KCND3: variants seen among roughly 807,000 people sequenced by gnomAD.
KCND3 encodes the protein A-type voltage-gated potassium channel KCND3.
Under a neutral mutation model 51.1 loss-of-function variants are expected in KCND3, and 9 were observed. That is an observed-to-expected ratio of 0.18 (90% CI 0.11 to 0.31). The LOEUF (loss-of-function observed/expected upper bound fraction) is 0.31. Among genes scored for constraint, KCND3 ranks in the 10% least tolerant of loss-of-function variants. The pLI is 1.00. For missense variants in KCND3, 526 were observed against 903.8 expected, an observed-to-expected ratio of 0.58 and a Z score of 5.36; for synonymous variants, 349 against 368.0, an observed-to-expected ratio of 0.95 and a Z score of 0.59.
At chr1:111,927,420 C>T (rs1262496479) in intron 2 of KCND3, among the ~76,000 whole-genome samples, 3 of 152,216 alleles carry the variant, frequency 2.0e-5, no homozygotes. Flanking sequence ...GGCATGCCTC[C>T]CTCTTTTTGG....
At chr1:111,864,146 G>A (rs896720037) in intron 2 of KCND3, among the ~76,000 whole-genome samples, 32 of 152,156 alleles carry the variant, frequency 2.1e-4, no homozygotes, top group African/African-American at 7.0e-4. Flanking sequence ...ATGTGGTGGA[G>A]GGGTGGGCGT....
chr1:111,813,150 G>A (rs1665932534), intron 2 of KCND3, among the ~76,000 whole-genome samples: 1 of 152,070 alleles, frequency 6.6e-6, no homozygotes, highest in Admixed American at 6.5e-5. Context: ...ATGTGGGAGT[G>A]GGGGTATGGG....
intron 2 of KCND3, among the ~76,000 whole-genome samples, chr1:111,796,825 A>T (rs1204014572): frequency 6.6e-6 from 1 of 152,170 alleles, no homozygotes; most frequent in Non-Finnish European, 1.5e-5. Context: ...TCTCTGGGAG[A>T]TGTTTCCTAA....
chr1:111,958,356 A>G (rs1365273496), intron 2 of KCND3, among the ~76,000 whole-genome samples: 1 of 152,124 alleles, frequency 6.6e-6, no homozygotes, highest in Non-Finnish European at 1.5e-5. Context: ...GGTAGGAGAG[A>G]GCCTCAGGTC....
chr1:111,812,583 C>T (rs1043921284), intron 2 of KCND3, among the ~76,000 whole-genome samples: 2 of 152,224 alleles, frequency 1.3e-5, no homozygotes, highest in Non-Finnish European at 2.9e-5. Flanking sequence ...GGACCTTTTA[C>T]ATTTTTAATC....
At chr1:111,864,448 T>C (rs540162216) in intron 2 of KCND3, among the ~76,000 whole-genome samples, 33 of 152,362 alleles carry the variant, frequency 2.2e-4, no homozygotes, top group African/African-American at 7.5e-4. Context: ...CTCTCTTTTT[T>C]TGTATTTCAG....
intron 2 of KCND3, among the ~76,000 whole-genome samples, chr1:111,817,295 C>T (rs941630799): frequency 1.1e-4 from 17 of 151,858 alleles, no homozygotes; most frequent in African/African-American, 4.1e-4. Context: ...GGTGGGGATG[C>T]ATTGAGATGG....
intron 2 of KCND3, among the ~76,000 whole-genome samples, chr1:111,968,843 A>C (rs1381751208): frequency 6.6e-6 from 1 of 152,088 alleles, no homozygotes; most frequent in East Asian, 1.9e-4. Flanking sequence ...GCTGAGTGAT[A>C]CCCAAAGCCA....
intron 2 of KCND3, among the ~76,000 whole-genome samples, chr1:111,934,504 C>T (rs950768312): frequency 6.6e-6 from 1 of 152,220 alleles, no homozygotes; most frequent in African/African-American, 2.4e-5. Flanking sequence ...AAGCGGTTGT[C>T]TAAATTAATC....
chr1:111,836,763 G>T (rs929543531), intron 2 of KCND3, among the ~76,000 whole-genome samples: 1 of 152,278 alleles, frequency 6.6e-6, no homozygotes, highest in Admixed American at 6.5e-5. Context: ...TCAGAAACAG[G>T]TTGACAGATG....
chr1:111,806,059 C>T (rs1557948166), intron 2 of KCND3, among the ~76,000 whole-genome samples: 2 of 152,240 alleles, frequency 1.3e-5, no homozygotes, highest in Admixed American at 1.3e-4. Context: ...TCACGGCTCC[C>T]ACCAGGCACC....
rs1024972776 is a variant in KCND3, at chr1:111,842,870, T to C, written c.1107-55764A>G. 5.3e-5 allele frequency among the ~76,000 whole-genome samples: 8 copies of C among 152,220 alleles called. 1 individual carries two copies. Among genetic ancestry groups the C allele is most frequent in the Non-Finnish European group, 7.3e-5 (5 of 68,038 alleles). On this transcript the variant is annotated intron_variant, in intron 2 of 7. Transcript: ENST00000302127. ...TCCCCACCTCTTCTGCTTTGGGTCC[T>C]TGGATCACGGCAGTCTTTGTGATCA...
chr1:111,845,375 C>T (rs561619662), intron 2 of KCND3, among the ~76,000 whole-genome samples: 66 of 152,338 alleles, frequency 4.3e-4, no homozygotes, highest in African/African-American at 1.5e-3. Flanking sequence ...CTCCCAGCTA[C>T]ATGCAGATGA....
At chr1:111,931,783 C>T (rs1214451715) in intron 2 of KCND3, among the ~76,000 whole-genome samples, 1 of 152,216 alleles carries the variant, frequency 6.6e-6, no homozygotes, top group African/African-American at 2.4e-5. Flanking sequence ...AGAGACTCAT[C>T]TTCTGTGCCA....
At chr1:111,797,112 C>A (rs1461012773) in intron 2 of KCND3, among the ~76,000 whole-genome samples, 3 of 152,218 alleles carry the variant, frequency 2.0e-5, no homozygotes, top group African/African-American at 7.2e-5. Flanking sequence ...GGGCCCCAAT[C>A]TCAGATTTCT....
chr1:111,776,429 T>G, intron 7 of KCND3, 151 bp from the exon 8 acceptor site: 2 of 799,306 alleles, frequency 2.5e-6, no homozygotes, highest in Non-Finnish European at 4.3e-6. Context: ...TAATTATCCA[T>G]TCTAATTATT....
At chr1:111,864,155 G>A (rs1453393339) in intron 2 of KCND3, among the ~76,000 whole-genome samples, 1 of 152,048 alleles carries the variant, frequency 6.6e-6, no homozygotes, top group South Asian at 2.1e-4. Flanking sequence ...AGGGGTGGGC[G>A]TGTGGAAGGC....
chr1:111,941,752 C>T (rs1028547442), intron 2 of KCND3, among the ~76,000 whole-genome samples: 16 of 152,316 alleles, frequency 1.1e-4, no homozygotes, highest in African/African-American at 3.8e-4. Context: ...TGTCTCCCCG[C>T]TTGCAACTGA....
chr1:111,881,911 A>G (rs1669347261), intron 2 of KCND3, among the ~76,000 whole-genome samples: 1 of 152,180 alleles, frequency 6.6e-6, no homozygotes. Context: ...GAGCCAGACA[A>G]GAGCACCGTG....
Sources: gnomAD v4.1 joint callset for allele counts (sites outside exome capture counted in the v4.1 genomes callset) on GRCh38, gnomAD v4.1.1 for gene constraint, MANE v1.5 for transcripts, NCBI Gene and HGNC (gene_info 2026-07-23, HGNC 2026-07-21) for gene names.